The following FAT3 variants were observed in gnomAD, a reference collection of about 807,000 sequenced individuals.
FAT3 encodes the protein FAT atypical cadherin 3, also known as protocadherin Fat 3.
Under a neutral mutation model 310.2 loss-of-function variants are expected in FAT3, and 95 were observed. The observed-to-expected ratio is 0.31, with a 90% confidence interval of 0.26 to 0.36. FAT3 has a LOEUF of 0.36. FAT3 is among the 10% of genes least tolerant of loss of function. The pLI is 1.00. For missense variants in FAT3, 5,408 were observed against 5,715.6 expected, an observed-to-expected ratio of 0.95 and a Z score of 1.74; for synonymous variants, 2,314 against 2,192.9, an observed-to-expected ratio of 1.06 and a Z score of -1.54.
intron 1 of FAT3, among the ~76,000 whole-genome samples, chr11:92,286,053 C>T (rs1565201738): frequency 1.3e-5 from 2 of 152,170 alleles, no homozygotes; most frequent in South Asian, 4.2e-4. Context: ...AACAGCGTGA[C>T]TCCCTCTCTC....
intron 1 of FAT3, among the ~76,000 whole-genome samples, chr11:92,335,057 T>C (rs993710747): frequency 3.3e-5 from 5 of 152,224 alleles, no homozygotes; most frequent in Non-Finnish European, 7.3e-5. Context: ...CAATGTTTGA[T>C]GATGCCGCAG....
chr11:92,315,455 A>ATATGTG (rs1947415205), intron 1 of FAT3, among the ~76,000 whole-genome samples: 1 of 107,820 alleles, frequency 9.3e-6, no homozygotes, highest in African/African-American at 3.7e-5. Context: ...GTGTATATAT[A>ATATGTG]TGTGTGTGTG....
At chr11:92,571,274 C>T (rs1315781690) in intron 3 of FAT3, among the ~76,000 whole-genome samples, 7 of 152,126 alleles carry the variant, frequency 4.6e-5, no homozygotes, top group Admixed American at 3.3e-4. Context: ...CCTTTCCCTG[C>T]TTCTTAAGGA....
chr11:92,368,828 G>GTATATATATATATATATATATATATA (rs1565263475), intron 2 of FAT3, among the ~76,000 whole-genome samples: 3 of 108,112 alleles, frequency 2.8e-5, no homozygotes, highest in African/African-American at 1.7e-4. Context: ...ATGTTTGTGT[G>GTATATATATATATATATATATATATA]TATACATATA....
chr11:92,271,280 C>T (rs764922664), intron 1 of FAT3, among the ~76,000 whole-genome samples: 1 of 152,106 alleles, frequency 6.6e-6, no homozygotes, highest in Non-Finnish European at 1.5e-5. Context: ...AATCCCTAGT[C>T]TCTGGGCCAC....
intron 1 of FAT3, among the ~76,000 whole-genome samples, chr11:92,228,462 A>G (rs1205884098): frequency 1.3e-5 from 2 of 152,234 alleles, no homozygotes; most frequent in Non-Finnish European, 1.5e-5. Flanking sequence ...AGCCTTTGTA[A>G]AGCTATGGCT....
In FAT3 at chr11:92,471,614, A is replaced by C. The variant is rs1951904745; in HGVS notation, c.3293-53020A>C. 2.6e-5 allele frequency among the ~76,000 whole-genome samples: 4 copies of C among 152,122 alleles called. No individual in the cohort carries two copies. The South Asian group carries it at 8.3e-4, about 32-fold the overall frequency. Reference sequence around the variant, plus strand: ...TGGGGATGGTGTAAATTGTTTCAGCAACTTTGGAGGACAACTTAGCCATAT... The same window carrying C: ...TGGGGATGGTGTAAATTGTTTCAGCCACTTTGGAGGACAACTTAGCCATAT... On this transcript the variant is annotated intron_variant, in intron 2 of 27. Transcript: ENST00000525166.
chr11:92,448,928 A>G (rs1164788551), intron 2 of FAT3, among the ~76,000 whole-genome samples: 1 of 152,184 alleles, frequency 6.6e-6, no homozygotes, highest in East Asian at 1.9e-4. Context: ...TCCAAAGGGC[A>G]GCATGGGGCT....
At chr11:92,637,483 C>G (rs566592) in intron 3 of FAT3, among the ~76,000 whole-genome samples, 9,853 of 152,246 alleles carry the variant, frequency 0.065, 466 homozygotes, top group Non-Finnish European at 0.1. Context: ...AATTCTCTCA[C>G]TTTTGCAATG....
intron 1 of FAT3, among the ~76,000 whole-genome samples, chr11:92,263,677 G>T (rs1436581085): frequency 6.6e-5 from 10 of 151,544 alleles, no homozygotes; most frequent in African/African-American, 2.4e-4. Flanking sequence ...ATATATATTT[G>T]CATGCTTATA....
intron 1 of FAT3, among the ~76,000 whole-genome samples, chr11:92,312,620 T>C (rs1009790500): frequency 1.3e-5 from 2 of 152,214 alleles, no homozygotes; most frequent in Admixed American, 6.5e-5. Flanking sequence ...AAGTGATATA[T>C]GGAGAGAACC....
At chr11:92,667,612 G>GAC (rs142615036) in intron 3 of FAT3, among the ~76,000 whole-genome samples, 2 of 152,024 alleles carry the variant, frequency 1.3e-5, no homozygotes, top group Non-Finnish European at 2.9e-5. Context: ...GCTGATTAAC[G>GAC]ACACACACAC....
At chr11:92,873,968 T>C (rs1036042914) in intron 22 of FAT3, among the ~76,000 whole-genome samples, 3 of 152,206 alleles carry the variant, frequency 2.0e-5, no homozygotes, top group African/African-American at 7.2e-5. Flanking sequence ...GCTTCAGTTT[T>C]CTCATTTGTA....
intron 1 of FAT3, among the ~76,000 whole-genome samples, chr11:92,295,509 T>A (rs1049774144): frequency 6.6e-6 from 1 of 152,148 alleles, no homozygotes; most frequent in African/African-American, 2.4e-5. Flanking sequence ...AAAAATGCAT[T>A]ATCTTCAGTG....
At chr11:92,345,447 C>T (rs1403402065) in intron 1 of FAT3, among the ~76,000 whole-genome samples, 1 of 152,108 alleles carries the variant, frequency 6.6e-6, no homozygotes, top group Non-Finnish European at 1.5e-5. Flanking sequence ...AAAGTGGGGT[C>T]CCAGGACCAG....
At chr11:92,267,767 T>A (rs1946011001) in intron 1 of FAT3, among the ~76,000 whole-genome samples, 1 of 152,180 alleles carries the variant, frequency 6.6e-6, no homozygotes, top group African/African-American at 2.4e-5. Context: ...TCATTATTTA[T>A]TTGCTGATAC....
At chr11:92,856,333 G>T (rs1948979528) in intron 19 of FAT3, among the ~76,000 whole-genome samples, 2 of 151,996 alleles carry the variant, frequency 1.3e-5, no homozygotes, top group South Asian at 4.1e-4. Context: ...TTTTAAATTT[G>T]TGTCTCCTTT....
intron 13 of FAT3, among the ~76,000 whole-genome samples, chr11:92,819,732 C>T (rs1947911365): frequency 1.3e-5 from 2 of 151,942 alleles, no homozygotes; most frequent in African/African-American, 2.4e-5. Context: ...CTAATAACTC[C>T]CATATTTCAA....
At chr11:92,610,783 C>T (rs1327385589) in intron 3 of FAT3, among the ~76,000 whole-genome samples, 1 of 152,138 alleles carries the variant, frequency 6.6e-6, no homozygotes, top group East Asian at 1.9e-4. Context: ...AGAATAAAGA[C>T]CATGTTCATC....
Sources: allele counts gnomAD v4.1 joint callset (sites outside exome capture counted in the v4.1 genomes callset), GRCh38; gene constraint gnomAD v4.1.1; transcripts MANE v1.5; gene names NCBI Gene and HGNC (gene_info 2026-07-23, HGNC 2026-07-21).